The following PLEKHA2 variants were observed in gnomAD, a reference collection of about 807,000 sequenced individuals.
PLEKHA2 encodes the protein pleckstrin homology domain-containing family A member 2.
A neutral mutation model predicts 53.2 loss-of-function variants in PLEKHA2; 28 were observed. The observed-to-expected ratio is 0.53, with a 90% CI of 0.39 to 0.72. The LOEUF (loss-of-function observed/expected upper bound fraction) is 0.72, where lower values mean the gene tolerates loss of function less well. PLEKHA2 is among the 30% of genes least tolerant of loss of function. PLEKHA2 has a pLI of 0.00. For synonymous variants in PLEKHA2, 193 were observed against 196.4 expected (o/e 0.98, Z 0.14); for missense variants, 426 against 537.9 (o/e 0.79, Z 2.06).
intron 6 of PLEKHA2, among the ~76,000 whole-genome samples, chr8:38,951,472 T>G (rs1403498227): frequency 1.7e-5 from 1 of 57,224 alleles, no homozygotes; most frequent in Admixed American, 2.0e-4. Context: ...TATTTAAGTT[T>G]TTTTTTTTTT....
chr8:38,952,780 C>A lies in PLEKHA2; in HGVS notation c.702+76C>A, dbSNP rs929008774. The A allele has an allele frequency of 9.7e-6, 14 of 1,436,760 alleles. No individual in the cohort carries two copies. The East Asian group carries it at 3.2e-4, about 33-fold the overall frequency. 89.0% of individuals were successfully genotyped at this position (1,436,760 alleles called of 1,614,324 possible). ...GCATAGGTGCACACCCACAGGAGAGCGTGCATGAGTGGAGATGTGGGCACA... is the reference window on the plus strand; with the variant it reads ...GCATAGGTGCACACCCACAGGAGAGAGTGCATGAGTGGAGATGTGGGCACA... On this transcript the variant is annotated intron_variant, in intron 8 of 11. Transcript: ENST00000617275.
rs757489058 is a variant in PLEKHA2, at chr8:38,957,329, C to G, written c.780C>G (p.Leu260=). The change falls in exon 10 of 12, where the codon CTC becomes CTG. Residue 260 remains leucine (L), a synonymous_variant. Transcript: ENST00000617275. ...TTTCTCTTTCTCTGTCTAGTGATCT[C>G]TTAATGAGGGACAACCTGTTTGAAA... ...THECLVKSGD[L]LMRDNLFEII... is the part of the protein sequence containing the mutation. The G allele has an allele frequency of 1.9e-6, 3 of 1,612,300 alleles. No individual in the cohort carries two copies. In the East Asian group the frequency reaches 6.7e-5, roughly 36 times the overall value.
intron 5 of PLEKHA2, among the ~76,000 whole-genome samples, chr8:38,949,027 C>T (rs990920987): frequency 8.5e-5 from 13 of 152,196 alleles, no homozygotes; most frequent in South Asian, 2.1e-4. Flanking sequence ...CCCGCCACTA[C>T]GCCCAGCTAA....
intron 1 of PLEKHA2, among the ~76,000 whole-genome samples, chr8:38,906,679 TAGAG>T (rs1187902662): frequency 6.6e-6 from 1 of 152,238 alleles, no homozygotes; most frequent in Admixed American, 6.5e-5. Context: ...GCGGCCATGT[TAGAG>T]CAGTAGGAAG....
At chr8:38,902,434 C>G (rs1207090237) in intron 1 of PLEKHA2, among the ~76,000 whole-genome samples, 1 of 152,148 alleles carries the variant, frequency 6.6e-6, no homozygotes, top group East Asian at 1.9e-4. Context: ...CTTCTTCCTG[C>G]CCGCCCCCTT....
chr8:38,947,814 C>T (rs147862936), intron 5 of PLEKHA2, among the ~76,000 whole-genome samples: 3 of 152,096 alleles, frequency 2.0e-5, no homozygotes, highest in East Asian at 1.9e-4. Context: ...TCTGGCCAGG[C>T]GCGGTGGCTC....
intron 5 of PLEKHA2, 135 bp from the exon 6 acceptor site, chr8:38,950,715 G>C (rs2129422097): frequency 9.4e-7 from 1 of 1,065,334 alleles, no homozygotes; most frequent in Non-Finnish European, 1.3e-6. Context: ...GACTGTGGAA[G>C]GCTTGGGGAG....
At chr8:38,917,768 G>A (rs1176927472) in intron 1 of PLEKHA2, 139 bp from the exon 2 acceptor site, 1 of 939,158 alleles carries the variant, frequency 1.1e-6, no homozygotes, top group African/African-American at 1.7e-5. Context: ...GGTTTCCAGG[G>A]TCTGGGATGG....
chr8:38,958,801 G>T (rs933231921), intron 10 of PLEKHA2, among the ~76,000 whole-genome samples: 1 of 152,196 alleles, frequency 6.6e-6, no homozygotes, highest in Admixed American at 6.5e-5. Context: ...TGGGCATTTT[G>T]TCTCAGGCTG....
chr8:38,950,320 C>T (rs983707722), intron 5 of PLEKHA2, among the ~76,000 whole-genome samples: 4 of 152,164 alleles, frequency 2.6e-5, no homozygotes, highest in Admixed American at 2.0e-4. Flanking sequence ...AGGTGTGAGG[C>T]CCCGGACCTG....
At position 38,961,283 on chromosome 8, in the gene PLEKHA2, A is replaced by G. The variant is rs1159708804; in HGVS notation, c.837+3897A>G. On this transcript the variant is annotated intron_variant, in intron 10 of 11. Coordinates refer to ENST00000617275, the MANE Select transcript of PLEKHA2 (RefSeq NM_021623.2). The stretch of plus-strand genomic sequence containing the variant: ...CCAGGCACGGTGGCTCACGCCTGCA[A>G]TCCTGGGACTTTGGGAGGCCAAGGC... Among the ~76,000 whole-genome samples, 5 of 152,194 alleles carry G rather than the reference A, an allele frequency of 3.3e-5. No individual in the cohort carries two copies. In the South Asian group the frequency reaches 6.2e-4, roughly 19 times the overall value.
intron 3 of PLEKHA2, among the ~76,000 whole-genome samples, chr8:38,939,123 C>G (rs1360155445): frequency 6.6e-6 from 1 of 151,978 alleles, no homozygotes; most frequent in South Asian, 2.1e-4. Flanking sequence ...AGGCTGGTCT[C>G]GAACTCCTGA....
At chr8:38,969,228 C>G (rs561595577) in intron 11 of PLEKHA2, among the ~76,000 whole-genome samples, 193 bp from the exon 12 acceptor site, 62 of 152,250 alleles carry the variant, frequency 4.1e-4, no homozygotes, top group African/African-American at 1.4e-3. Context: ...ATATGTCCTG[C>G]AAGTTTCACT....
rs1327564942 is a variant in PLEKHA2, at chr8:38,969,456, A to C, written c.951A>C (p.Arg317=). The C allele has an allele frequency of 3.2e-5, 52 of 1,613,620 alleles. No individual in the cohort carries two copies. Among genetic ancestry groups the C allele is most frequent in the Non-Finnish European group, 4.2e-5 (49 of 1,179,800 alleles). ...TSFSRSISLT[R]PGSSSLSSGP... ...TTTCTAGATCCATTTCTTTGACCCG[A>C]CCTGGAAGCTCCAGCCTTTCAAGTG... Residue 317 remains arginine (R), a synonymous_variant, in exon 12 of 12, where the codon CGA becomes CGC. Coordinates refer to ENST00000617275, the MANE Select transcript of PLEKHA2 (RefSeq NM_021623.2).
At position 38,972,072 on chromosome 8, in the gene PLEKHA2, A is replaced by G. The variant is rs1835260545; in HGVS notation, c.*2289A>G. On this transcript the variant is annotated 3_prime_UTR_variant, in exon 12 of 12. Transcript: ENST00000617275. ...CAAATTAAACATACATAGAATCCAT[A>G]TGGTATTATCCTGATAAAGGGAAAC... is the stretch of plus-strand genomic sequence containing the variant. The G allele has an allele frequency of 1.3e-5, 2 of 152,254 alleles. No homozygotes were observed. The highest frequency in any genetic ancestry group is 2.1e-4 in the South Asian group (1 of 4,838). The allele number at this position is 152,254 out of a possible 1,614,324, so 9.4% of individuals were successfully genotyped here.
chr8:38,944,547 T>C (rs1834672513), intron 4 of PLEKHA2, among the ~76,000 whole-genome samples: 1 of 152,046 alleles, frequency 6.6e-6, no homozygotes, highest in Non-Finnish European at 1.5e-5. Flanking sequence ...CTGCAGGCTC[T>C]ATGGGGCCAG....
intron 2 of PLEKHA2, among the ~76,000 whole-genome samples, chr8:38,918,618 T>TAC (rs1212774890): frequency 2.2e-4 from 1 of 4,502 alleles, no homozygotes; most frequent in Non-Finnish European, 4.9e-4. Context: ...ACACAAGCCA[T>TAC]ACACACACAC....
In PLEKHA2 at chr8:38,966,059, G is replaced by T. The variant is rs931325447; in HGVS notation, c.838-2533G>T. The stretch of plus-strand genomic sequence containing the variant: ...GTCAAATAACTGGAAAAAGTCAAGC[G>T]GGGAGACAGCGCTAGTAAGTTTGCA... On this transcript the variant is annotated intron_variant, in intron 10 of 11. Transcript: ENST00000617275. Among the ~76,000 whole-genome samples, 33 of 152,034 alleles carry T rather than the reference G, an allele frequency of 2.2e-4. 1 individual carries two copies.
intron 2 of PLEKHA2, among the ~76,000 whole-genome samples, chr8:38,935,116 C>T (rs1434629891): frequency 4.6e-5 from 7 of 152,114 alleles, no homozygotes; most frequent in African/African-American, 1.4e-4. Flanking sequence ...CAGGTTCAAG[C>T]GATTCTCCTG....
Sources: allele counts gnomAD v4.1 joint callset (sites outside exome capture counted in the v4.1 genomes callset), GRCh38; gene constraint gnomAD v4.1.1; transcripts MANE v1.5; gene names NCBI Gene and HGNC (gene_info 2026-07-23, HGNC 2026-07-21).